The following MSR1 variants were observed in gnomAD, a reference collection of about 807,000 sequenced individuals.
MSR1 encodes the protein macrophage scavenger receptor 1, also known as macrophage scavenger receptor types I and II.
A neutral mutation model predicts 47.2 loss-of-function variants in MSR1; 53 were observed. The ratio of observed to expected loss-of-function variants is 1.12; its 90% confidence interval spans 0.90 to 1.41. MSR1 has a LOEUF of 1.41. MSR1 is among the 40% of genes most tolerant of loss of function. The probability of loss-of-function intolerance (pLI) is 0.00; values close to 1 mark genes in which losing one functional copy is unlikely to be tolerated. For missense variants in MSR1, 786 were observed against 546.9 expected (o/e 1.44, Z -4.36); for synonymous variants, 239 against 185.6 (o/e 1.29, Z -2.34).
rs778214436 is a variant in MSR1 at position 16,120,615 on chromosome 8, TTAAAA to T, written c.1034-14_1034-10del. On this transcript the variant is annotated splice_polypyrimidine_tract_variant and intron_variant, in intron 8 of 9. Coordinates refer to ENST00000262101, the MANE Select transcript of MSR1 (RefSeq NM_138715.3). The stretch of plus-strand genomic sequence containing the variant: ...AACTTTCGTAAATGGAGCTGTAAAG[TTAAAA>T]AAAAAAAAAAAAAAAAAAAAAGGCA... The T allele has an allele frequency of 4.6e-3, 6,097 of 1,329,226 alleles. 62 individuals carry two copies. The highest frequency in any genetic ancestry group is 0.042 in the East Asian group (1,397 of 33,414). 82.3% of individuals were successfully genotyped at this position (1,329,226 alleles called of 1,614,324 possible). A position where few individuals can be genotyped will look rare whatever the true frequency, so the allele number is the denominator to read the frequency against.
chr8:16,109,128 G>T lies in MSR1; in HGVS notation c.*957C>A, dbSNP rs749538235. The T allele has an allele frequency of 1.3e-5, 2 of 151,424 alleles. No individual in the cohort carries two copies. The highest frequency in any genetic ancestry group is 2.9e-5 in the Non-Finnish European group (2 of 67,954). The allele number at this position is 151,424 out of a possible 1,614,324, so 9.4% of individuals were successfully genotyped here. A position where few individuals can be genotyped will look rare whatever the true frequency, so the allele number is the denominator to read the frequency against. On this transcript the variant is annotated 3_prime_UTR_variant, in exon 10 of 10. Coordinates refer to ENST00000262101, the MANE Select transcript of MSR1 (RefSeq NM_138715.3). ...AAGGTTGCTAAACTACTTTTTTGGG[G>T]CATGCTCAGAGTTATTGTCCCTTTA...
chr8:16,134,407 A>G (rs1800339466), intron 8 of MSR1, among the ~76,000 whole-genome samples: 2 of 152,096 alleles, frequency 1.3e-5, no homozygotes, highest in South Asian at 4.1e-4. Flanking sequence ...TATGGCAATC[A>G]GTGACCTTTG....
At chr8:16,170,562 G>T (rs1196074609) in intron 3 of MSR1, among the ~76,000 whole-genome samples, 2 of 152,048 alleles carry the variant, frequency 1.3e-5, no homozygotes, top group Non-Finnish European at 2.9e-5. Context: ...ACAATAAAAA[G>T]AATAATTTCA....
chr8:16,175,186 C>G lies in MSR1; in HGVS notation c.217+1G>C. ...AATTTCAAAACTCTGGGTTACGTTA[C>G]CTGCCACTATTCCAATGAGAGGGAT... On this transcript the variant is annotated splice_donor_variant, in intron 3 of 9. Coordinates refer to ENST00000262101, the MANE Select transcript of MSR1 (RefSeq NM_138715.3). LOFTEE classifies it high-confidence loss of function. 1 of 1,612,860 alleles carries G rather than the reference C, an allele frequency of 6.2e-7. No individual in the cohort carries two copies. The highest frequency in any genetic ancestry group is 1.1e-5 in the South Asian group (1 of 91,070).
At chr8:16,124,955 A>T (rs544837489) in intron 8 of MSR1, among the ~76,000 whole-genome samples, 12 of 152,312 alleles carry the variant, frequency 7.9e-5, no homozygotes, top group African/African-American at 2.9e-4. Context: ...CAGAGGGAAT[A>T]GAATATAGTT....
Position 16,134,135 on chromosome 8 carries a change from T to A in MSR1, c.1033+9423A>T, listed in dbSNP as rs1800329298. On this transcript the variant is annotated intron_variant, in intron 8 of 9. Transcript: ENST00000262101. ...TTGTGCCTATAAACTTTTCATAAAG[T>A]ATCGGTGATTTCACCATTCTTCCAA... 2.0e-5 allele frequency among the ~76,000 whole-genome samples: 3 copies of A among 152,306 alleles called. No individual in the cohort carries two copies. In the South Asian group the frequency reaches 6.2e-4, roughly 32 times the overall value.
chr8:16,177,907 T>C lies in MSR1; in HGVS notation c.82A>G (p.Met28Val), dbSNP rs199787564. Residue 28 changes from methionine to valine, a missense_variant, in exon 2 of 10, where the codon ATG becomes GTG. Coordinates refer to ENST00000262101, the MANE Select transcript of MSR1 (RefSeq NM_138715.3). ...SESVKFDARS[M>V]TALLPPNPKN... ...TTACTCGGAGGAAGCAAAGCTGTCA[T>C]TGAGCGAGCATCAAATTTCACAGAT... 13 of 1,613,948 alleles carry C rather than the reference T, an allele frequency of 8.1e-6. No homozygotes were observed. The highest frequency in any genetic ancestry group is 4.5e-5 in the East Asian group (2 of 44,846).
rs370764256 is a variant in MSR1, at chr8:16,120,572, G to A, written c.1068C>T (p.Ser356=). 5.6e-6 allele frequency: 9 copies of A among 1,594,618 alleles called. No individual in the cohort carries two copies. The East Asian group carries it at 6.8e-5, about 12-fold the overall frequency. Residue 356 remains serine, a synonymous_variant, in exon 9 of 10, where the codon AGC becomes AGT. Coordinates refer to ENST00000262101, the MANE Select transcript of MSR1 (RefSeq NM_138715.3). The part of the protein sequence containing the change: ...PFTKVRLVGG[S]GPHEGRVEIL... ...TCTCCACCCTCCCCTCGTGAGGGCC[G>A]CTCCCACCGACCAGTCGAACTTTCG... is the stretch of plus-strand genomic sequence containing the variant.
chr8:16,170,520 G>T (rs1251426332), intron 3 of MSR1, among the ~76,000 whole-genome samples: 1 of 152,050 alleles, frequency 6.6e-6, no homozygotes, highest in Non-Finnish European at 1.5e-5. Context: ...TAGATTGGTT[G>T]TATAAGATTT....
At chr8:16,188,390 T>C (rs1216395950) in intron 1 of MSR1, among the ~76,000 whole-genome samples, 2 of 152,282 alleles carry the variant, frequency 1.3e-5, no homozygotes, top group South Asian at 2.1e-4. Flanking sequence ...GATGTATGTA[T>C]ACCTGTAACA....
At chr8:16,124,070 C>T (rs1209140184) in intron 8 of MSR1, among the ~76,000 whole-genome samples, 2 of 152,116 alleles carry the variant, frequency 1.3e-5, no homozygotes, top group Non-Finnish European at 2.9e-5. Flanking sequence ...TGACACTCAC[C>T]TAACTTGATA....
chr8:16,153,193 T>C lies in MSR1; in HGVS notation c.898+1871A>G, dbSNP rs551612770. Among the ~76,000 whole-genome samples, 48 of 152,076 alleles carry C rather than the reference T, an allele frequency of 3.2e-4. No individual in the cohort carries two copies. The South Asian group carries it at 9.8e-3, about 31-fold the overall frequency. On this transcript the variant is annotated intron_variant, in intron 6 of 9. Coordinates refer to ENST00000262101, the MANE Select transcript of MSR1 (RefSeq NM_138715.3). ...AATGGATGTAGAGATGGGGAAGCAA[T>C]AAACCTGCTCAGATTAGAAAGCAGA... is the stretch of plus-strand genomic sequence containing the variant.
At chr8:16,180,198 C>T (rs1227888574) in intron 1 of MSR1, among the ~76,000 whole-genome samples, 2 of 151,900 alleles carry the variant, frequency 1.3e-5, no homozygotes, top group Admixed American at 6.6e-5. Flanking sequence ...CTTTCACTTT[C>T]CAGAGCTTTT....
chr8:16,136,264 C>T (rs1184655562), intron 8 of MSR1, among the ~76,000 whole-genome samples: 1 of 152,144 alleles, frequency 6.6e-6, no homozygotes, highest in Non-Finnish European at 1.5e-5. Flanking sequence ...TTGCCACAGC[C>T]ACCTCAATCT....
At chr8:16,177,002 G>A (rs1035218782) in intron 2 of MSR1, among the ~76,000 whole-genome samples, 2 of 152,188 alleles carry the variant, frequency 1.3e-5, no homozygotes, top group South Asian at 4.1e-4. Context: ...TCCCCTTAGC[G>A]ATATGTATTT....
At chr8:16,142,129 G>A (rs561935950) in intron 8 of MSR1, among the ~76,000 whole-genome samples, 2 of 152,042 alleles carry the variant, frequency 1.3e-5, no homozygotes, top group Non-Finnish European at 2.9e-5. Context: ...AGGGGATCGA[G>A]ACCAGCCTGG....
chr8:16,186,406 C>T, intron 1 of MSR1: 2 of 535,236 alleles, frequency 3.7e-6, no homozygotes, highest in Non-Finnish European at 3.3e-6. Flanking sequence ...CATAGCTCGT[C>T]TCTCAACTAC....
chr8:16,122,762 G>C (rs1257742477), intron 8 of MSR1, among the ~76,000 whole-genome samples: 1 of 151,646 alleles, frequency 6.6e-6, no homozygotes, highest in African/African-American at 2.4e-5. Context: ...TTATTGCAAA[G>C]GGAATGGCTG....
At chr8:16,147,013 C>T (rs566388446) in intron 7 of MSR1, among the ~76,000 whole-genome samples, 6 of 152,162 alleles carry the variant, frequency 3.9e-5, no homozygotes, top group African/African-American at 1.4e-4. Flanking sequence ...ATAACTTACC[C>T]TGAGGGAAAC....
Sources: allele counts gnomAD v4.1 joint callset (sites outside exome capture counted in the v4.1 genomes callset), GRCh38; gene constraint gnomAD v4.1.1; transcripts MANE v1.5; gene names NCBI Gene and HGNC (gene_info 2026-07-23, HGNC 2026-07-21).